HMCN1: variants seen among roughly 807,000 people sequenced by gnomAD.
HMCN1 encodes the protein hemicentin 1.
A neutral mutation model predicts 625.9 loss-of-function variants in HMCN1; 321 were observed. The observed-to-expected ratio is 0.51, with a 90% CI of 0.47 to 0.56. The LOEUF (loss-of-function observed/expected upper bound fraction) is 0.56. Among genes scored for constraint, HMCN1 ranks in the 20% least tolerant of loss-of-function variants. The pLI is 0.00. For missense variants in HMCN1, 6,588 were observed against 6,887.3 expected (o/e 0.96, Z 1.54); for synonymous variants, 2,425 against 2,417.6 (o/e 1.00, Z -0.09).
At chr1:186,021,124 G>T (rs919632245) in intron 35 of HMCN1, among the ~76,000 whole-genome samples, 1 of 152,076 alleles carries the variant, frequency 6.6e-6, no homozygotes, top group Non-Finnish European at 1.5e-5. Flanking sequence ...TGTTGGCCAT[G>T]CAGATGAGGA....
At chr1:185,854,948 G>A (rs1662373791) in intron 2 of HMCN1, among the ~76,000 whole-genome samples, 2 of 152,188 alleles carry the variant, frequency 1.3e-5, no homozygotes, top group East Asian at 1.9e-4. Flanking sequence ...TGTGCTAGAC[G>A]GCATGCAGAA....
chr1:186,185,176 A>G (rs1653205048), intron 105 of HMCN1, among the ~76,000 whole-genome samples: 2 of 152,258 alleles, frequency 1.3e-5, no homozygotes, highest in African/African-American at 4.8e-5. Flanking sequence ...ATAACAACTT[A>G]CTATGCACAC....
intron 4 of HMCN1, among the ~76,000 whole-genome samples, chr1:185,902,405 C>CTATCTATATCTA (rs903275348): frequency 4.1e-5 from 6 of 145,358 alleles, no homozygotes; most frequent in African/African-American, 1.6e-4. Context: ...ATCTATCTAT[C>CTATCTATATCTA]TCTATCTATC....
chr1:186,070,726 C>G lies in HMCN1; in HGVS notation c.8108C>G (p.Ser2703Cys), dbSNP rs761110782. 11 of 1,613,884 alleles carry G rather than the reference C, an allele frequency of 6.8e-6. No homozygotes were observed. In the South Asian group the frequency reaches 1.2e-4, roughly 18 times the overall value. Residue 2703 changes from serine to cysteine, a missense_variant, in exon 52 of 107, where the codon TCT becomes TGT. Physicochemically the swap from Ser to Cys is moderately radical, Grantham distance 112. Around this residue, in one of 3 missense-constraint regions of HMCN1, gnomAD observed 4,628 missense variants for 4,853.1 expected, o/e 0.95. Coordinates refer to ENST00000271588, the MANE Select transcript of HMCN1 (RefSeq NM_031935.3). ...TLECEAYAIPSASLSWYKDGQ... is the reference protein window; with the variant it reads ...TLECEAYAIPCASLSWYKDGQ... ...GAATGTGAAGCGTATGCAATTCCTT[C>G]TGCCTCCCTCAGCTGGTACAAGGAT...
intron 97 of HMCN1, among the ~76,000 whole-genome samples, chr1:186,157,693 T>C (rs1166577217): frequency 6.6e-6 from 1 of 152,176 alleles, no homozygotes; most frequent in Non-Finnish European, 1.5e-5. Flanking sequence ...ATGCGGTGTT[T>C]GGTTTTTTGT....
intron 95 of HMCN1, 32 bp from the exon 96 acceptor site, chr1:186,152,718 T>C (rs769008450): frequency 1.2e-6 from 2 of 1,613,032 alleles, no homozygotes; most frequent in Non-Finnish European, 1.7e-6. Flanking sequence ...CATATTTTTT[T>C]GCTGTCAAAA....
chr1:186,071,511 C>T (rs372195844), intron 52 of HMCN1, among the ~76,000 whole-genome samples: 8 of 152,122 alleles, frequency 5.3e-5, no homozygotes, highest in Admixed American at 1.3e-4. Flanking sequence ...CTGTTAACAC[C>T]GTACTTAATA....
chr1:185,895,022 AGTTAGTTAT>A (rs1665407796), intron 4 of HMCN1, among the ~76,000 whole-genome samples: 1 of 150,550 alleles, frequency 6.6e-6, no homozygotes. Flanking sequence ...CTGAGTCACG[AGTTAGTTAT>A]GTGAATGCCT....
intron 66 of HMCN1, 65 bp from the exon 67 acceptor site, chr1:186,094,211 A>C: frequency 8.1e-7 from 1 of 1,229,934 alleles, no homozygotes; most frequent in Non-Finnish European, 1.2e-6. Flanking sequence ...TATAAATCAT[A>C]ATTATTTTAT....
At chr1:186,013,490 T>A (rs1654131502) in intron 30 of HMCN1, among the ~76,000 whole-genome samples, 1 of 152,168 alleles carries the variant, frequency 6.6e-6, no homozygotes, top group Non-Finnish European at 1.5e-5. Flanking sequence ...TTTGTCAGTA[T>A]GGACTAGTTC....
chr1:185,870,173 A>G (rs1663520865), intron 4 of HMCN1, among the ~76,000 whole-genome samples: 1 of 152,154 alleles, frequency 6.6e-6, no homozygotes, highest in Non-Finnish European at 1.5e-5. Flanking sequence ...CATTTTGGAA[A>G]CACAATTTAC....
intron 68 of HMCN1, among the ~76,000 whole-genome samples, chr1:186,096,351 T>G (rs1213582657): frequency 1.3e-5 from 2 of 152,180 alleles, no homozygotes; most frequent in Non-Finnish European, 2.9e-5. Flanking sequence ...AGATGTCTTC[T>G]TACTTACTTC....
intron 1 of HMCN1, among the ~76,000 whole-genome samples, chr1:185,831,092 T>C (rs1435539857): frequency 6.6e-6 from 1 of 152,162 alleles, no homozygotes; most frequent in African/African-American, 2.4e-5. Context: ...CAAAATTTAA[T>C]AACATTTTCA....
At chr1:186,087,737 G>GA (rs1659595193) in intron 60 of HMCN1, 92 bp downstream of exon 60, 1 of 1,317,176 alleles carries the variant, frequency 7.6e-7, no homozygotes, top group African/African-American at 1.5e-5. Context: ...TTACTACAGT[G>GA]AAAAATGATT....
At chr1:186,008,421 TTATTTTGGATATATTG>T (rs1653779268) in intron 30 of HMCN1, among the ~76,000 whole-genome samples, 4 of 152,092 alleles carry the variant, frequency 2.6e-5, no homozygotes, top group African/African-American at 9.7e-5. Flanking sequence ...ATCCAAAATG[TTATTTTGGATATATTG>T]GGCAAAGTAA....
intron 1 of HMCN1, among the ~76,000 whole-genome samples, chr1:185,809,543 C>T (rs970148681): frequency 6.6e-6 from 1 of 151,566 alleles, no homozygotes; most frequent in African/African-American, 2.4e-5. Context: ...TTCTGAAATT[C>T]CTACTGTGCA....
chr1:185,813,174 A>G (rs1659634593), intron 1 of HMCN1, among the ~76,000 whole-genome samples: 1 of 152,184 alleles, frequency 6.6e-6, no homozygotes, highest in South Asian at 2.1e-4. Context: ...ACATCAATGA[A>G]TGAATAAGTA....
intron 15 of HMCN1, among the ~76,000 whole-genome samples, chr1:185,974,402 GTTA>G (rs1267304762): frequency 6.6e-6 from 1 of 152,152 alleles, no homozygotes; most frequent in Non-Finnish European, 1.5e-5. Context: ...GATAGGAAAT[GTTA>G]TTATGCCTTT....
At chr1:185,884,054 T>C (rs1031391865) in intron 4 of HMCN1, among the ~76,000 whole-genome samples, 14 of 151,750 alleles carry the variant, frequency 9.2e-5, no homozygotes, top group African/African-American at 3.1e-4. Context: ...TTTGAGGCTT[T>C]TTAGAAAGTT....
Sources: gnomAD v4.1 joint callset for allele counts (sites outside exome capture counted in the v4.1 genomes callset) on GRCh38, gnomAD v4.1.1 for gene constraint, gnomAD v4.1.1 regional missense constraint, MANE v1.5 for transcripts, NCBI Gene and HGNC (gene_info 2026-07-23, HGNC 2026-07-21) for gene names.